NEGR1: variants seen among roughly 807,000 people sequenced by gnomAD.
NEGR1 encodes IgLON family member 4.
In NEGR1, 10 loss-of-function variants were observed where a neutral mutation model predicts 40.9. The observed-to-expected ratio is 0.24, with a 90% CI of 0.15 to 0.42. The LOEUF is 0.42. Among genes scored for constraint, NEGR1 ranks in the 10% least tolerant of loss-of-function variants. The pLI, the probability that NEGR1 is intolerant of heterozygous loss-of-function variation, is 1.00. For missense variants in NEGR1, 352 were observed against 438.9 expected, an observed-to-expected ratio of 0.80 and a Z score of 1.77; for synonymous variants, 185 against 166.8, an observed-to-expected ratio of 1.11 and a Z score of -0.84.
At chr1:71,887,251 G>T (rs1381148577) in intron 2 of NEGR1, among the ~76,000 whole-genome samples, 4 of 152,150 alleles carry the variant, frequency 2.6e-5, no homozygotes, top group Non-Finnish European at 5.9e-5. Flanking sequence ...GAGGAGGAAG[G>T]GGAGGGGTTG....
chr1:72,207,206 T>C (rs933846527), intron 1 of NEGR1, among the ~76,000 whole-genome samples: 1 of 151,658 alleles, frequency 6.6e-6, no homozygotes, highest in East Asian at 1.9e-4. Flanking sequence ...AACATGTTTA[T>C]CGTAAAGTAG....
intron 1 of NEGR1, among the ~76,000 whole-genome samples, chr1:72,176,159 T>C (rs1414823465): frequency 2.0e-5 from 3 of 152,116 alleles, no homozygotes; most frequent in Non-Finnish European, 4.4e-5. Flanking sequence ...TTTTTTCCTA[T>C]GATATTTTTT....
chr1:72,011,934 G>C (rs1646660728), intron 1 of NEGR1, among the ~76,000 whole-genome samples: 1 of 151,516 alleles, frequency 6.6e-6, no homozygotes, highest in South Asian at 2.1e-4. Flanking sequence ...AGGTGGAGAT[G>C]GAGAGTGGGC....
intron 2 of NEGR1, among the ~76,000 whole-genome samples, chr1:71,779,114 C>T (rs990064792): frequency 1.3e-5 from 2 of 152,130 alleles, no homozygotes; most frequent in Admixed American, 6.5e-5. Context: ...CTCCTCTCCC[C>T]AGAAATGCAT....
intron 1 of NEGR1, among the ~76,000 whole-genome samples, chr1:72,234,044 T>C (rs1233464882): frequency 6.6e-6 from 1 of 152,094 alleles, no homozygotes; most frequent in Admixed American, 6.6e-5. Flanking sequence ...GGTAAACTTG[T>C]GTCATGGGGG....
At chr1:72,147,392 A>G (rs1004208587) in intron 1 of NEGR1, among the ~76,000 whole-genome samples, 2 of 152,100 alleles carry the variant, frequency 1.3e-5, no homozygotes, top group Admixed American at 1.3e-4. Flanking sequence ...CGTAAGACTT[A>G]TTCACTATCA....
chr1:71,659,603 C>A (rs1195677329), intron 4 of NEGR1, among the ~76,000 whole-genome samples: 1 of 152,030 alleles, frequency 6.6e-6, no homozygotes, highest in African/African-American at 2.4e-5. Context: ...TACAATCGAG[C>A]ATCTATAAGA....
Position 72,216,384 on chromosome 1 carries a change from CATATAT to C in NEGR1, c.176+65929_176+65934del, listed in dbSNP as rs56819538. Among the ~76,000 whole-genome samples the C allele has an allele frequency of 3.9e-5, 5 of 129,248 alleles. No homozygotes were observed. The Admixed American group carries it at 3.9e-4, about 10-fold the overall frequency. The allele number at this position is 129,248 out of a possible 152,430, so 84.8% of individuals were successfully genotyped here. A position where few individuals can be genotyped will look rare whatever the true frequency, so the allele number is the denominator to read the frequency against. The stretch of plus-strand genomic sequence containing the variant: ...AGAACTTGGAAGTTATATATATATA[CATATAT>C]ATATATATATACATATATATATATA... On this transcript the variant is annotated intron_variant, in intron 1 of 6. Transcript: ENST00000357731.
At chr1:71,565,564 A>T (rs1648592490) in intron 6 of NEGR1, among the ~76,000 whole-genome samples, 1 of 152,184 alleles carries the variant, frequency 6.6e-6, no homozygotes, top group Non-Finnish European at 1.5e-5. Flanking sequence ...GGACAGAGCA[A>T]CAAGTATTGG....
intron 1 of NEGR1, among the ~76,000 whole-genome samples, chr1:72,067,176 A>C (rs186851180): frequency 1.3e-5 from 2 of 152,288 alleles, no homozygotes; most frequent in East Asian, 3.9e-4. Flanking sequence ...AAACCAAATT[A>C]TATACCTTTT....
intron 1 of NEGR1, among the ~76,000 whole-genome samples, chr1:72,075,068 C>T (rs1647663249): frequency 6.6e-6 from 1 of 151,898 alleles, no homozygotes; most frequent in Non-Finnish European, 1.5e-5. Flanking sequence ...GACACTTGAA[C>T]CATGGAATAA....
rs1326860602 is a variant in NEGR1, at chr1:72,063,820, A to C, written c.177-128509T>G. ...AATGCTGTAACAAGCTACAAAGCCAAGATTGTAGTGCTTGATCACAATGGC... is the reference window on the plus strand; with the variant it reads ...AATGCTGTAACAAGCTACAAAGCCACGATTGTAGTGCTTGATCACAATGGC... On this transcript the variant is annotated intron_variant, in intron 1 of 6. Transcript: ENST00000357731. Among the ~76,000 whole-genome samples the C allele has an allele frequency of 2.6e-5, 4 of 151,938 alleles. No homozygotes were observed. In the East Asian group the frequency reaches 7.8e-4, roughly 30 times the overall value.
At chr1:71,956,313 C>T (rs1403828796) in intron 1 of NEGR1, among the ~76,000 whole-genome samples, 1 of 151,972 alleles carries the variant, frequency 6.6e-6, no homozygotes, top group East Asian at 1.9e-4. Context: ...TTATCTTCTA[C>T]CGTGATTATT....
intron 5 of NEGR1, among the ~76,000 whole-genome samples, chr1:71,608,438 A>G (rs1650137555): frequency 6.6e-6 from 1 of 150,996 alleles, no homozygotes; most frequent in Non-Finnish European, 1.5e-5. Flanking sequence ...GTGGGCACCA[A>G]TTGGCCCTTT....
chr1:71,750,350 G>A (rs1439399679), intron 3 of NEGR1, among the ~76,000 whole-genome samples: 1 of 152,178 alleles, frequency 6.6e-6, no homozygotes, highest in Non-Finnish European at 1.5e-5. Context: ...CCCTATATGA[G>A]CAAAGGTCAG....
chr1:71,983,652 G>T (rs1646371820), intron 1 of NEGR1, among the ~76,000 whole-genome samples: 1 of 152,048 alleles, frequency 6.6e-6, no homozygotes, highest in Non-Finnish European at 1.5e-5. Context: ...ACTGCTTTGT[G>T]AACAACTAAA....
At chr1:71,447,733 A>G (rs1267273155) in intron 6 of NEGR1, among the ~76,000 whole-genome samples, 1 of 152,212 alleles carries the variant, frequency 6.6e-6, no homozygotes, top group Non-Finnish European at 1.5e-5. Context: ...CTAAGGGACT[A>G]TGAAGCACTC....
At chr1:71,465,493 C>T (rs1002650287) in intron 6 of NEGR1, among the ~76,000 whole-genome samples, 4 of 152,034 alleles carry the variant, frequency 2.6e-5, no homozygotes, top group Non-Finnish European at 5.9e-5. Context: ...ACAATGTGCA[C>T]ACATGTTGAT....
intron 2 of NEGR1, among the ~76,000 whole-genome samples, chr1:71,833,492 G>A (rs1261196213): frequency 6.6e-6 from 1 of 151,980 alleles, no homozygotes; most frequent in Non-Finnish European, 1.5e-5. Flanking sequence ...CTTTCTGGGG[G>A]GAAAAAAGTA....
Sources: allele counts gnomAD v4.1 joint callset (sites outside exome capture counted in the v4.1 genomes callset), GRCh38; gene constraint gnomAD v4.1.1; transcripts MANE v1.5; gene names NCBI Gene and HGNC (gene_info 2026-07-23, HGNC 2026-07-21).